Variants in ZNF575 observed in about 807,000 individuals in gnomAD.
ZNF575 encodes zinc finger protein 575.
Under a neutral mutation model 17.5 loss-of-function variants are expected in ZNF575, and 17 were observed. The ratio of observed to expected loss-of-function variants is 0.97; its 90% confidence interval spans 0.66 to 1.45. The LOEUF is 1.45. Among genes scored for constraint, ZNF575 ranks in the 40% most tolerant of loss-of-function variants. ZNF575 has a pLI of 0.00. For missense variants in ZNF575, 352 were observed against 359.2 expected, an observed-to-expected ratio of 0.98 and a Z score of 0.16; for synonymous variants, 146 against 158.3, an observed-to-expected ratio of 0.92 and a Z score of 0.58.
upstream of ZNF575, among the ~76,000 whole-genome samples, chr19:43,532,449 C>A (rs2146029011): frequency 6.6e-6 from 1 of 152,278 alleles, no homozygotes; most frequent in East Asian, 1.9e-4. Context: ...AAACACTTTC[C>A]ATTGATTATC....
At chr19:43,531,941 A>C (rs1600027397), upstream of ZNF575, 7 of 173,086 alleles carry the variant, frequency 4.0e-5, no homozygotes, top group South Asian at 1.6e-4. Flanking sequence ...ATTAAGCCAG[A>C]CTTTTTTTTT....
upstream of ZNF575, among the ~76,000 whole-genome samples, chr19:43,531,183 C>T (rs982731445): frequency 1.3e-5 from 2 of 150,854 alleles, no homozygotes; most frequent in Non-Finnish European, 2.9e-5. Context: ...CCCAGCTACT[C>T]AGGACGTTGA....
In ZNF575 at chr19:43,533,919, G is replaced by C. The variant is rs1188726870; in HGVS notation, c.-87+17G>C. The C allele has an allele frequency of 6.4e-6, 1 of 155,950 alleles. No homozygotes were observed. Among genetic ancestry groups the C allele is most frequent in the African/African-American group, 2.4e-5 (1 of 41,544 alleles). 9.7% of individuals were successfully genotyped at this position (155,950 alleles called of 1,614,324 possible). Reference sequence around the variant, plus strand: ...AAAAGCCGGGTAAAGCTAGGTCTTCGACGTGAAGCCCCGCCCACTGTGCCC... The same window carrying C: ...AAAAGCCGGGTAAAGCTAGGTCTTCCACGTGAAGCCCCGCCCACTGTGCCC... On this transcript the variant is annotated intron_variant, in intron 2 of 3. Transcript: ENST00000314228.
chr19:43,535,761 G>T lies in ZNF575; in HGVS notation c.*74G>T. The stretch of plus-strand genomic sequence containing the variant: ...AGAGGTGGGATTTCTAAGACCGACT[G>T]TATGAGCTCGCCTCTTCCAGATAGC... On this transcript the variant is annotated 3_prime_UTR_variant, in exon 4 of 4. Transcript: ENST00000314228. 6.8e-7 allele frequency: 1 copy of T among 1,460,478 alleles called. No individual in the cohort carries two copies. The allele number at this position is 1,460,478 out of a possible 1,614,324, so 90.5% of individuals were successfully genotyped here.
upstream of ZNF575, chr19:43,531,942 CTTTTTTTTTTT>C (rs869122064): frequency 8.5e-4 from 91 of 107,316 alleles, no homozygotes; most frequent in African/African-American, 2.4e-3. Flanking sequence ...TTAAGCCAGA[CTTTTTTTTTTT>C]TTTTTTTTTT....
chr19:43,534,239 C>T (rs1972382190), intron 2 of ZNF575, 98 bp from the exon 3 acceptor site: 1 of 584,966 alleles, frequency 1.7e-6, no homozygotes, highest in Non-Finnish European at 3.0e-6. Context: ...GCCCCGCTCA[C>T]TGTGCTCTTA....
rs1381924749 is a variant in ZNF575 at position 43,536,011 on chromosome 19, A to G, written c.*324A>G. 1 of 339,814 alleles carries G rather than the reference A, an allele frequency of 2.9e-6. No individual in the cohort carries two copies. Among genetic ancestry groups the G allele is most frequent in the Admixed American group, 4.4e-5 (1 of 22,488 alleles). The allele number at this position is 339,814 out of a possible 1,614,324, so 21.0% of individuals were successfully genotyped here. On this transcript the variant is annotated 3_prime_UTR_variant, in exon 4 of 4. Coordinates refer to ENST00000314228, the MANE Select transcript of ZNF575 (RefSeq NM_174945.3). The stretch of plus-strand genomic sequence containing the variant: ...TGTGGGCAAACAGGCTCTCTTGTTA[A>G]AAGTTTAAACTGGTGTCTCCACTTT...
In ZNF575 at chr19:43,535,654, C is replaced by T; in HGVS notation, c.705C>T (p.His235=). 1 of 1,612,766 alleles carries T rather than the reference C, an allele frequency of 6.2e-7. No individual in the cohort carries two copies. ...TACTGCTCCTTCATCAACGCAGCCA[C>T]CACCAGGTGGAGCACAAGGGGGAGA... ...RRLLLLHQRS[H]HQVEHKGERD is the part of the protein sequence containing the mutation. The change falls in exon 4 of 4, where the codon CAC becomes CAT. Residue 235 remains histidine, a synonymous_variant. Coordinates refer to ENST00000314228, the MANE Select transcript of ZNF575 (RefSeq NM_174945.3).
At chr19:43,534,304 C>T (rs769190418) in intron 2 of ZNF575, 33 bp from the exon 3 acceptor site, 12 of 963,654 alleles carry the variant, frequency 1.2e-5, no homozygotes, top group Non-Finnish European at 1.6e-5. Context: ...ACTTGCAGAC[C>T]TTGCTCCTAA....
chr19:43,535,740 G>A lies in ZNF575; in HGVS notation c.*53G>A, dbSNP rs1401934987. On this transcript the variant is annotated 3_prime_UTR_variant, in exon 4 of 4. Transcript: ENST00000314228. ...TGCCGCCAGCCCTAGCCAGTAAGAG[G>A]TGGGATTTCTAAGACCGACTGTATG... 6.6e-7 allele frequency: 1 copy of A among 1,514,124 alleles called. No homozygotes were observed. Among genetic ancestry groups the A allele is most frequent in the African/African-American group, 1.4e-5 (1 of 72,044 alleles). The allele number at this position is 1,514,124 out of a possible 1,614,324, so 93.8% of individuals were successfully genotyped here.
Position 43,534,502 on chromosome 19 carries a change from G to GT in ZNF575, c.79+2dup, listed in dbSNP as rs1465033881. On this transcript the variant is annotated splice_donor_variant, in intron 3 of 3. Coordinates refer to ENST00000314228, the MANE Select transcript of ZNF575 (RefSeq NM_174945.3). LOFTEE classifies it high-confidence loss of function. Reference sequence around the variant, plus strand: ...GGCAAGGAACCAGTGACCAAAGAAGGTGAGAGTGCCCCGCCTGTGAGTAGG... The same window carrying GT: ...GGCAAGGAACCAGTGACCAAAGAAGGTTGAGAGTGCCCCGCCTGTGAGTAGG... 6.9e-7 allele frequency: 1 copy of GT among 1,449,160 alleles called. No individual in the cohort carries two copies. Among genetic ancestry groups the GT allele is most frequent in the Admixed American group, 2.8e-5 (1 of 36,296 alleles). 89.8% of individuals were successfully genotyped at this position (1,449,160 alleles called of 1,614,324 possible). A position where few individuals can be genotyped will look rare whatever the true frequency, so the allele number is the denominator to read the frequency against.
Position 43,535,050 on chromosome 19 carries a change from A to G in ZNF575, c.101A>G (p.Gln34Arg). The change falls in exon 4 of 4, where the codon CAG (glutamine) becomes CGG (arginine). Residue 34 changes from glutamine to arginine, a missense_variant. Physicochemically the swap from Gln to Arg is conservative, Grantham distance 43 (BLOSUM62 1). Transcript: ENST00000314228. ...CCAGCTCCCCACCAGGGCCCACCGC[A>G]GAAGCCCAGCCAGTCAGCTCCAGGG... ...TKEAPHQGPP[Q>R]KPSQSAPGPT... 6.8e-7 allele frequency: 1 copy of G among 1,479,376 alleles called. No individual in the cohort carries two copies. Among genetic ancestry groups the G allele is most frequent in the South Asian group, 1.3e-5 (1 of 76,456 alleles). The allele number at this position is 1,479,376 out of a possible 1,614,324, so 91.6% of individuals were successfully genotyped here. A position where few individuals can be genotyped will look rare whatever the true frequency, so the allele number is the denominator to read the frequency against.
upstream of ZNF575, among the ~76,000 whole-genome samples, chr19:43,532,068 G>GC (rs2146028557): frequency 6.7e-6 from 1 of 150,124 alleles, no homozygotes; most frequent in South Asian, 2.1e-4. Context: ...TCACTCTGTT[G>GC]CCCAGGCTGG....
Position 43,535,173 on chromosome 19 carries a change from C to A in ZNF575, c.224C>A (p.Pro75Gln). 6.2e-7 allele frequency: 1 copy of A among 1,606,582 alleles called. No individual in the cohort carries two copies. The highest frequency in any genetic ancestry group is 8.5e-7 in the Non-Finnish European group (1 of 1,177,302). The change falls in exon 4 of 4, where the codon CCG (proline) becomes CAG (glutamine). Residue 75 changes from proline to glutamine, a missense_variant. Transcript: ENST00000314228. ...GACTGTGACAAGGCCTTCTCGTACC[C>A]GTCCAAGCTGGCCACGCACCGCTTA... ...CPDCDKAFSY[P>Q]SKLATHRLAH...
At chr19:43,531,942 C>CTTTT (rs869122064), upstream of ZNF575, 1,196 of 107,144 alleles carry the variant, frequency 0.011, 88 homozygotes, top group African/African-American at 0.039. Context: ...TTAAGCCAGA[C>CTTTT]TTTTTTTTTT....
In ZNF575 at chr19:43,535,277, C is replaced by G; in HGVS notation, c.328C>G (p.Arg110Gly). Residue 110 changes from arginine to glycine, a missense_variant, in exon 4 of 4, where the codon CGC (arginine) becomes GGC (glycine). Coordinates refer to ENST00000314228, the MANE Select transcript of ZNF575 (RefSeq NM_174945.3). The part of the protein sequence containing the change: ...FSYPSKLAAH[R>G]LTHSGARPHP... ...CTACCCCTCCAAGCTGGCAGCCCAC[C>G]GCCTCACGCACAGCGGCGCCCGCCC... is the stretch of plus-strand genomic sequence containing the variant. 1 of 1,612,238 alleles carries G rather than the reference C, an allele frequency of 6.2e-7. No homozygotes were observed. The highest frequency in any genetic ancestry group is 8.5e-7 in the Non-Finnish European group (1 of 1,179,510).
Position 43,535,367 on chromosome 19 carries a change from A to C in ZNF575, c.418A>C (p.Thr140Pro). The C allele has an allele frequency of 6.3e-7, 1 of 1,579,928 alleles. No individual in the cohort carries two copies. Among genetic ancestry groups the C allele is most frequent in the Non-Finnish European group, 8.6e-7 (1 of 1,160,022 alleles). Residue 140 changes from threonine to proline, a missense_variant, in exon 4 of 4, where the codon ACC becomes CCC. Thr to Pro is a conservative substitution (Grantham distance 38). Coordinates refer to ENST00000314228, the MANE Select transcript of ZNF575 (RefSeq NM_174945.3). ...HRSKLAAHLWTHAPTRPYPCP... is the reference protein window; with the variant it reads ...HRSKLAAHLWPHAPTRPYPCP... ...CTCCAAGCTGGCGGCTCACCTCTGGACCCACGCACCCACCCGCCCCTACCC... is the reference window on the plus strand; with the variant it reads ...CTCCAAGCTGGCGGCTCACCTCTGGCCCCACGCACCCACCCGCCCCTACCC...
chr19:43,531,812 G>T (rs1366833419), upstream of ZNF575: 6 of 686,954 alleles, frequency 8.7e-6, no homozygotes, highest in East Asian at 1.6e-4. Context: ...AAGATACGGG[G>T]TATCACTCTG....
chr19:43,531,872 A>C (rs1181846288), upstream of ZNF575: 5 of 672,856 alleles, frequency 7.4e-6, no homozygotes, highest in South Asian at 7.7e-5. Context: ...TGCAGACATG[A>C]ACTCCTGGGT....
Sources: gnomAD v4.1 joint callset for allele counts (sites outside exome capture counted in the v4.1 genomes callset) on GRCh38, gnomAD v4.1.1 for gene constraint, MANE v1.5 for transcripts, NCBI Gene and HGNC (gene_info 2026-07-23, HGNC 2026-07-21) for gene names.